Variants in MYO10 observed in about 807,000 individuals in gnomAD.
The protein encoded by MYO10 is unconventional myosin-X.
In MYO10, 133 loss-of-function variants were observed where a neutral mutation model predicts 257.3. The observed-to-expected ratio is 0.52, with a 90% CI of 0.45 to 0.60. The LOEUF (loss-of-function observed/expected upper bound fraction) is 0.60. Ranked by LOEUF, MYO10 falls within the 20% of genes least tolerant of loss-of-function variation. MYO10 has a pLI of 0.00. For missense variants in MYO10, 2,399 were observed against 2,635.7 expected (o/e 0.91, Z 1.97); for synonymous variants, 1,104 against 1,028.6 (o/e 1.07, Z -1.40).
At position 16,701,372 on chromosome 5, in the gene MYO10, G is replaced by A; in HGVS notation, c.3023C>T (p.Pro1008Leu). 1 of 1,613,992 alleles carries A rather than the reference G, an allele frequency of 6.2e-7. No individual in the cohort carries two copies. The highest frequency in any genetic ancestry group is 8.5e-7 in the Non-Finnish European group (1 of 1,179,896). The stretch of plus-strand genomic sequence containing the variant: ...TGAGTGGCCGTGCTCGCTGGGGTTG[G>A]GGGAGTCCTTGAAGGCGTCGTCGTC... ...EADDDAFKDSPNPSEHGHSDQ... is the reference protein window; with the variant it reads ...EADDDAFKDSLNPSEHGHSDQ... Residue 1008 changes from proline (P) to leucine (L), a missense_variant, in exon 25 of 41, where the codon CCC (proline) becomes CTC (leucine). Physicochemically the swap from Pro to Leu is moderately conservative, Grantham distance 98. Around this residue, in one of 3 missense-constraint regions of MYO10, gnomAD observed 1,820 missense variants for 1,939.4 expected, o/e 0.94. Transcript: ENST00000513610. The surrounding 1 kb of genome is among the most constrained non-coding windows in gnomAD (Gnocchi z 8.1).
At chr5:16,672,938 A>G (rs1306497375) in intron 36 of MYO10, 113 bp from the exon 37 acceptor site, 1 of 1,245,364 alleles carries the variant, frequency 8.0e-7, no homozygotes, top group African/African-American at 1.5e-5. Context: ...GGGCGTCTCC[A>G]GCCTCCTAAA....
At chr5:16,785,128 G>T (rs1183415453) in intron 4 of MYO10, among the ~76,000 whole-genome samples, 1 of 152,248 alleles carries the variant, frequency 6.6e-6, no homozygotes, top group African/African-American at 2.4e-5. Flanking sequence ...GCCCAGCCGG[G>T]GCGGGGGCTG....
intron 26 of MYO10, 106 bp downstream of exon 26, chr5:16,699,344 C>A: frequency 7.0e-7 from 1 of 1,419,806 alleles, no homozygotes; most frequent in East Asian, 2.4e-5. Flanking sequence ...TCCATCAGCC[C>A]AGATACAATA....
intron 5 of MYO10, among the ~76,000 whole-genome samples, chr5:16,782,373 G>A (rs1051547077): frequency 1.3e-5 from 2 of 152,104 alleles, no homozygotes; most frequent in Admixed American, 6.5e-5. Context: ...TGCCACTATA[G>A]CCTAAAAGCA....
intron 1 of MYO10, among the ~76,000 whole-genome samples, chr5:16,935,492 G>T (rs1746412645): frequency 6.6e-6 from 1 of 152,040 alleles, no homozygotes; most frequent in African/African-American, 2.4e-5. Flanking sequence ...CCCGGCGCGC[G>T]CCGCCTCACC....
Position 16,666,678 on chromosome 5 carries a change from G to T in MYO10, c.*14C>A. 6.3e-7 allele frequency: 1 copy of T among 1,581,530 alleles called. No individual in the cohort carries two copies. The highest frequency in any genetic ancestry group is 8.6e-7 in the Non-Finnish European group (1 of 1,165,684). On this transcript the variant is annotated 3_prime_UTR_variant, in exon 41 of 41. Coordinates refer to ENST00000513610, the MANE Select transcript of MYO10 (RefSeq NM_012334.3). ...GCGTTCAGGTAGCAAAGACAGGTGG[G>T]CTCTGTCCCGCCTTCACCTGGAGCT...
intron 33 of MYO10, among the ~76,000 whole-genome samples, chr5:16,679,542 T>TTTTTTTTTTTTTTTTTTTTTTTTA (rs1736890346): frequency 9.3e-6 from 1 of 107,040 alleles, no homozygotes; most frequent in Admixed American, 9.8e-5. Flanking sequence ...TTTTTTTTTT[T>TTTTTTTTTTTTTTTTTTTTTTTTA]GAGACGAAGT....
rs55880979 is a variant in MYO10, at chr5:16,778,688, G to GTT, written c.930+855_930+856dup. Among the ~76,000 whole-genome samples, 705 of 107,452 alleles carry GTT rather than the reference G, an allele frequency of 6.6e-3. 11 individuals carry two copies. Among genetic ancestry groups the GTT allele is most frequent in the African/African-American group, 0.013 (345 of 27,264 alleles). The allele number at this position is 107,452 out of a possible 152,430, so 70.5% of individuals were successfully genotyped here. A position where few individuals can be genotyped will look rare whatever the true frequency, so the allele number is the denominator to read the frequency against. The stretch of plus-strand genomic sequence containing the variant: ...CAGGAACACCTCTCGCTTTGCTGAG[G>GTT]TTTTTTTTTTTTTTTTTTTTTTGAG... On this transcript the variant is annotated intron_variant, in intron 9 of 40. Coordinates refer to ENST00000513610, the MANE Select transcript of MYO10 (RefSeq NM_012334.3).
intron 4 of MYO10, among the ~76,000 whole-genome samples, chr5:16,791,551 C>CACAGACACAT (rs1553996585): frequency 9.2e-6 from 1 of 108,310 alleles, no homozygotes; most frequent in Non-Finnish European, 2.0e-5. Context: ...TACATACACA[C>CACAGACACAT]ACACACACAC....
At chr5:16,834,915 C>T (rs926959320) in intron 2 of MYO10, among the ~76,000 whole-genome samples, 1 of 152,224 alleles carries the variant, frequency 6.6e-6, no homozygotes, top group African/African-American at 2.4e-5. Context: ...GTGGCTCACA[C>T]CTGTAATCCC....
Position 16,663,325 on chromosome 5 carries a change from GTTGTTTTTT to G in MYO10, c.*3358_*3366del, listed in dbSNP as rs1736041031. 1 of 41,302 alleles carries G rather than the reference GTTGTTTTTT, an allele frequency of 2.4e-5. No individual in the cohort carries two copies. The highest frequency in any genetic ancestry group is 4.2e-5 in the Non-Finnish European group (1 of 23,536). The allele number at this position is 41,302 out of a possible 1,614,324, so 2.6% of individuals were successfully genotyped here. ...GGAAAAAAGTAACATTTTACTTCTA[GTTGTTTTTT>G]TTTTTTTTTTTTTTTTTTTTTTTTT... On this transcript the variant is annotated 3_prime_UTR_variant, in exon 41 of 41. Transcript: ENST00000513610.
rs540939682 is a variant in MYO10, at chr5:16,763,493, G to T, written c.1482C>A (p.Asp494Glu). 6.2e-7 allele frequency: 1 copy of T among 1,611,418 alleles called. No homozygotes were observed. Among genetic ancestry groups the T allele is most frequent in the Non-Finnish European group, 8.5e-7 (1 of 1,177,734 alleles). ...IDWIDNGECL[D>E]LIEKKLGLLA... ...AAAAATACATTACCTTCTCAATCAA[G>T]TCCAGGCATTCTCCATTGTCTATCC... The change falls in exon 14 of 41, where the codon GAC becomes GAA. Residue 494 changes from aspartate (D) to glutamate (E), a missense_variant. Coordinates refer to ENST00000513610, the MANE Select transcript of MYO10 (RefSeq NM_012334.3).
intron 3 of MYO10, chr5:16,815,363 A>C: frequency 1.5e-6 from 1 of 680,314 alleles, no homozygotes; most frequent in South Asian, 1.6e-5. Flanking sequence ...ATTCCCAATG[A>C]GCATTTCCTT....
rs756851739 is a variant in MYO10, at chr5:16,681,335, G to C, written c.4358C>G (p.Pro1453Arg). Residue 1453 changes from proline to arginine, a missense_variant, in exon 32 of 41, where the codon CCA becomes CGA. Pro to Arg is a moderately radical substitution (Grantham distance 103, BLOSUM62 -2). This residue lies in a region of MYO10 where 1,820 missense variants were observed against 1,939.4 expected (regional missense o/e 0.94). Transcript: ENST00000513610. ...VLNSLCSVVP[P>R]DEKIFKETGY... is the part of the protein sequence containing the mutation. ...TGTCTCTTTGAATATCTTCTCATCTGGGGGGACGACAGAGCAGAGGCTGTT... is the reference window on the plus strand; with the variant it reads ...TGTCTCTTTGAATATCTTCTCATCTCGGGGGACGACAGAGCAGAGGCTGTT... The C allele has an allele frequency of 3.1e-6, 5 of 1,612,376 alleles. No individual in the cohort carries two copies. The highest frequency in any genetic ancestry group is 1.7e-5 in the Admixed American group (1 of 59,596).
intron 1 of MYO10, among the ~76,000 whole-genome samples, chr5:16,886,975 T>G (rs1238550080): frequency 6.6e-6 from 1 of 151,526 alleles, no homozygotes; most frequent in Non-Finnish European, 1.5e-5. Flanking sequence ...AAAACACTAT[T>G]GCCACTGAAG....
At chr5:16,837,962 G>A (rs1050825731) in intron 2 of MYO10, among the ~76,000 whole-genome samples, 1 of 152,050 alleles carries the variant, frequency 6.6e-6, no homozygotes, top group African/African-American at 2.4e-5. Flanking sequence ...TATTGTAATT[G>A]TTTGGGGGCG....
intron 2 of MYO10, among the ~76,000 whole-genome samples, chr5:16,872,205 C>T (rs1007860513): frequency 6.6e-6 from 1 of 152,132 alleles, no homozygotes; most frequent in Non-Finnish European, 1.5e-5. Context: ...GAGCTAGGAG[C>T]CTTTGTCAGA....
chr5:16,745,618 T>C (rs896926481), intron 19 of MYO10, among the ~76,000 whole-genome samples: 3 of 151,788 alleles, frequency 2.0e-5, no homozygotes, highest in Non-Finnish European at 4.4e-5. Context: ...AGCCCAGGAG[T>C]TCAAGGCTTC....
chr5:16,934,810 G>A (rs1036147470), intron 1 of MYO10, among the ~76,000 whole-genome samples: 1 of 152,218 alleles, frequency 6.6e-6, no homozygotes, highest in Non-Finnish European at 1.5e-5. Flanking sequence ...AATTAAATCA[G>A]ATAAACCAAG....
Sources: gnomAD v4.1 joint callset for allele counts (sites outside exome capture counted in the v4.1 genomes callset) on GRCh38, gnomAD v4.1.1 for gene constraint, gnomAD v4.1.1 regional missense constraint, Gnocchi (gnomAD v3.1) non-coding constraint, MANE v1.5 for transcripts, NCBI Gene and HGNC (gene_info 2026-07-23, HGNC 2026-07-21) for gene names.